Variants in ENKUR observed in about 807,000 individuals in gnomAD.
ENKUR encodes enkurin.
ENKUR carries 19 observed loss-of-function variants against 27.6 expected under a neutral mutation model. The ratio of observed to expected loss-of-function variants is 0.69; its 90% confidence interval spans 0.48 to 1.01. The LOEUF (loss-of-function observed/expected upper bound fraction) is 1.01. Ranked by LOEUF, ENKUR falls within the 50% of genes least tolerant of loss-of-function variation. ENKUR has a pLI of 0.00. For synonymous variants in ENKUR, 117 were observed against 96.9 expected (o/e 1.21, Z -1.22); for missense variants, 312 against 310.5 (o/e 1.00, Z -0.04).
At chr10:25,040,059 C>A (rs1026606165) in intron 2 of ENKUR, among the ~76,000 whole-genome samples, 16 of 151,858 alleles carry the variant, frequency 1.1e-4, no homozygotes, top group African/African-American at 3.6e-4. Flanking sequence ...GTCTCCCATC[C>A]TCAGGGGCCT....
intron 5 of ENKUR, 51 bp downstream of exon 5, chr10:24,984,685 T>C (rs41279882): frequency 0.012 from 17,961 of 1,501,548 alleles, 328 homozygotes; most frequent in African/African-American, 0.075. Flanking sequence ...ATATTTTCCA[T>C]GTTTTTTTCC....
intron 2 of ENKUR, chr10:25,025,227 C>T: frequency 6.2e-7 from 1 of 1,614,188 alleles, no homozygotes; most frequent in African/African-American, 1.3e-5. Flanking sequence ...CAGCCCATTA[C>T]TCAAAGTTTG....
intron 2 of ENKUR, among the ~76,000 whole-genome samples, chr10:25,043,140 A>T (rs911861298): frequency 2.8e-4 from 43 of 152,314 alleles, no homozygotes; most frequent in African/African-American, 9.9e-4. Context: ...GAAAAGGAAT[A>T]TAATTCCACC....
intron 2 of ENKUR, chr10:25,025,491 G>A (rs1850832353): frequency 6.4e-7 from 1 of 1,551,522 alleles, no homozygotes; most frequent in South Asian, 1.2e-5. Flanking sequence ...CTAGCTATAA[G>A]CATGCAATAA....
intron 2 of ENKUR, among the ~76,000 whole-genome samples, chr10:25,058,749 G>A (rs1232801615): frequency 1.3e-5 from 2 of 151,962 alleles, no homozygotes; most frequent in Admixed American, 1.3e-4. Flanking sequence ...TGGCCAACAT[G>A]GTGAAACCCT....
At chr10:25,024,934 A>T in intron 2 of ENKUR, 1 of 1,614,000 alleles carries the variant, frequency 6.2e-7, no homozygotes, top group Non-Finnish European at 8.5e-7. Flanking sequence ...CAAATCTTCA[A>T]ACCTAGAACG....
chr10:25,021,030 G>C (rs750069925), upstream of ENKUR, among the ~76,000 whole-genome samples: 47 of 152,132 alleles, frequency 3.1e-4, no homozygotes, highest in Non-Finnish European at 5.7e-4. Context: ...TCAGGGAAAG[G>C]ATTAGACTGT....
intron 1 of ENKUR, among the ~76,000 whole-genome samples, 161 bp downstream of exon 1, chr10:25,015,699 G>T (rs1006569234): frequency 1.3e-5 from 2 of 152,140 alleles, no homozygotes; most frequent in Non-Finnish European, 2.9e-5. Flanking sequence ...TGAATACCTA[G>T]ATATTTCGAC....
At chr10:24,998,988 T>C (rs1472224256) in intron 2 of ENKUR, among the ~76,000 whole-genome samples, 1 of 152,192 alleles carries the variant, frequency 6.6e-6, no homozygotes, top group African/African-American at 2.4e-5. Flanking sequence ...CAGTAGTTGC[T>C]TCAACAACTG....
chr10:25,007,771 T>C (rs561593118), intron 1 of ENKUR, among the ~76,000 whole-genome samples: 12 of 152,138 alleles, frequency 7.9e-5, no homozygotes, highest in African/African-American at 2.4e-4. Context: ...TAACTCAAAA[T>C]AAACATTAAG....
chr10:24,988,712 A>G (rs11014336), intron 4 of ENKUR, among the ~76,000 whole-genome samples: 5 of 22,178 alleles, frequency 2.3e-4, no homozygotes, highest in African/African-American at 1.2e-3. Context: ...ATATATATAT[A>G]TATATATATA....
At position 24,983,620 on chromosome 10, in the gene ENKUR, A is replaced by G. The variant is rs1425443696; in HGVS notation, c.*750T>C. On this transcript the variant is annotated 3_prime_UTR_variant, in exon 6 of 6. Transcript: ENST00000331161. Reference sequence around the variant, plus strand: ...GTTTCAAGTGAATTTTCAAAAAATAATTGTATATAAACTACTTTTCTTTAA... The same window carrying G: ...GTTTCAAGTGAATTTTCAAAAAATAGTTGTATATAAACTACTTTTCTTTAA... 6 of 152,222 alleles carry G rather than the reference A, an allele frequency of 3.9e-5. No homozygotes were observed. The highest frequency in any genetic ancestry group is 4.4e-5 in the Non-Finnish European group (3 of 68,028). The allele number at this position is 152,222 out of a possible 1,614,324, so 9.4% of individuals were successfully genotyped here.
intron 2 of ENKUR, chr10:25,061,056 C>T (rs1588689037): frequency 2.0e-6 from 3 of 1,501,454 alleles, no homozygotes; most frequent in Non-Finnish European, 2.7e-6. Flanking sequence ...CTAAGGCCCC[C>T]TATTAGGCTG....
chr10:25,038,330 C>T (rs889763181), intron 2 of ENKUR, among the ~76,000 whole-genome samples: 4 of 152,204 alleles, frequency 2.6e-5, no homozygotes, highest in African/African-American at 9.6e-5. Context: ...CCTCACTTTC[C>T]TACCTGTGTT....
intron 2 of ENKUR, chr10:25,023,256 A>T: frequency 6.2e-7 from 1 of 1,613,204 alleles, no homozygotes; most frequent in Non-Finnish European, 8.5e-7. Context: ...ATCATCTGAA[A>T]AAGATAACAC....
At chr10:24,984,603 C>G in intron 5 of ENKUR, 133 bp downstream of exon 5, 1 of 1,078,672 alleles carries the variant, frequency 9.3e-7, no homozygotes, top group Non-Finnish European at 1.3e-6. Flanking sequence ...TGCATATTGC[C>G]TAAGCATTCT....
intron 3 of ENKUR, among the ~76,000 whole-genome samples, chr10:24,993,744 G>A (rs1049849339): frequency 1.3e-4 from 20 of 152,104 alleles, no homozygotes; most frequent in African/African-American, 4.8e-4. Context: ...TTCATGGTTT[G>A]GTAAACTCTG....
chr10:25,008,824 C>T (rs1365579254), intron 1 of ENKUR, among the ~76,000 whole-genome samples: 1 of 152,294 alleles, frequency 6.6e-6, no homozygotes, highest in Non-Finnish European at 1.5e-5. Context: ...TATTGTGGCA[C>T]TATTCACAAT....
At chr10:25,046,525 C>T (rs577617189) in intron 2 of ENKUR, among the ~76,000 whole-genome samples, 3 of 152,288 alleles carry the variant, frequency 2.0e-5, no homozygotes, top group East Asian at 1.9e-4. Flanking sequence ...TGTGCATCTG[C>T]GTCCTGGCTT....
Sources: gnomAD v4.1 joint callset for allele counts (sites outside exome capture counted in the v4.1 genomes callset) on GRCh38, gnomAD v4.1.1 for gene constraint, MANE v1.5 for transcripts, NCBI Gene and HGNC (gene_info 2026-07-23, HGNC 2026-07-21) for gene names.